The following TBC1D22A variants were observed in gnomAD, a reference collection of about 807,000 sequenced individuals.
TBC1D22A encodes TBC1 domain family member 22A, also known as putative GTPase activator.
In TBC1D22A, 38 loss-of-function variants were observed where a neutral mutation model predicts 60.2. The observed-to-expected ratio is 0.63, with a 90% CI of 0.49 to 0.83. The LOEUF is 0.83. TBC1D22A is among the 40% of genes least tolerant of loss of function. The pLI is 0.00. For missense variants in TBC1D22A, 628 were observed against 701.0 expected, an observed-to-expected ratio of 0.90 and a Z score of 1.18; for synonymous variants, 302 against 281.7, an observed-to-expected ratio of 1.07 and a Z score of -0.72.
At chr22:46,941,671 A>ATATATACGGAATG (rs2072120622) in intron 8 of TBC1D22A, among the ~76,000 whole-genome samples, 1 of 147,106 alleles carries the variant, frequency 6.8e-6, no homozygotes, top group African/African-American at 2.5e-5. Context: ...TACGCGGAAT[A>ATATATACGGAATG]TATATACGGA....
rs136119 is a variant in TBC1D22A at position 46,984,366 on chromosome 22, CAAAAAAAAAAAAAAAAAAA to C, written c.1125+9989_1125+10007del. ...GGGGCGACAGAACCAGACTCCATCTCAAAAAAAAAAAAAAAAAAAAAAAAAAAAAAAAAAAAAAAAGAGA... is the reference window on the plus strand; with the variant it reads ...GGGGCGACAGAACCAGACTCCATCTCAAAAAAAAAAAAAAAAAAAAAGAGA... On this transcript the variant is annotated intron_variant, in intron 9 of 12. Transcript: ENST00000337137. Among the ~76,000 whole-genome samples, 176 of 27,750 alleles carry C rather than the reference CAAAAAAAAAAAAAAAAAAA, an allele frequency of 6.3e-3. 1 individual carries two copies. Among genetic ancestry groups the C allele is most frequent in the Non-Finnish European group, 9.5e-3 (131 of 13,728 alleles). The allele number at this position is 27,750 out of a possible 152,430, so 18.2% of individuals were successfully genotyped here.
intron 4 of TBC1D22A, among the ~76,000 whole-genome samples, chr22:46,873,483 A>G (rs553351038): frequency 1.1e-4 from 16 of 152,328 alleles, no homozygotes; most frequent in African/African-American, 3.6e-4. Context: ...AAAGACCCTT[A>G]TGGCAGATTT....
At chr22:47,063,079 C>T (rs2063633853) in intron 11 of TBC1D22A, among the ~76,000 whole-genome samples, 1 of 152,008 alleles carries the variant, frequency 6.6e-6, no homozygotes, top group Non-Finnish European at 1.5e-5. Flanking sequence ...ATGGGCAGTT[C>T]TGGGTGCAGG....
intron 11 of TBC1D22A, among the ~76,000 whole-genome samples, chr22:47,104,299 C>T (rs1334323709): frequency 6.6e-6 from 1 of 152,006 alleles, no homozygotes; most frequent in African/African-American, 2.4e-5. Flanking sequence ...CAGAGTGAGA[C>T]TCTGTCTCAA....
At chr22:46,836,642 T>C (rs1239192034) in intron 4 of TBC1D22A, among the ~76,000 whole-genome samples, 1 of 151,928 alleles carries the variant, frequency 6.6e-6, no homozygotes, top group Non-Finnish European at 1.5e-5. Context: ...GGTAATTACT[T>C]TAAGTGTAAA....
intron 11 of TBC1D22A, among the ~76,000 whole-genome samples, chr22:47,060,979 C>T (rs1422554969): frequency 1.5e-4 from 23 of 152,230 alleles, no homozygotes; most frequent in Admixed American, 1.5e-3. Flanking sequence ...CCTGGAATGA[C>T]ACTTGGGATC....
intron 12 of TBC1D22A, among the ~76,000 whole-genome samples, chr22:47,154,966 T>C (rs1331386472): frequency 6.6e-6 from 1 of 152,236 alleles, no homozygotes; most frequent in East Asian, 1.9e-4. Flanking sequence ...TGGGCATTTC[T>C]TGAGCGGCAT....
At chr22:47,140,672 A>G (rs894279964) in intron 12 of TBC1D22A, among the ~76,000 whole-genome samples, 3 of 152,162 alleles carry the variant, frequency 2.0e-5, no homozygotes, top group Non-Finnish European at 4.4e-5. Context: ...CCAGGCCTGC[A>G]GGGGATGCCT....
At chr22:47,130,465 G>A (rs182446013) in intron 12 of TBC1D22A, among the ~76,000 whole-genome samples, 68 of 152,294 alleles carry the variant, frequency 4.5e-4, no homozygotes, top group Non-Finnish European at 5.0e-4. Flanking sequence ...TCTGGATACC[G>A]CTGCCTTCTG....
At chr22:46,803,400 C>T (rs201233504) in intron 4 of TBC1D22A, among the ~76,000 whole-genome samples, 6 of 152,144 alleles carry the variant, frequency 3.9e-5, no homozygotes, top group South Asian at 4.1e-4. Flanking sequence ...TGAGGAAGGG[C>T]GGCGGTTTTC....
intron 4 of TBC1D22A, among the ~76,000 whole-genome samples, chr22:46,848,884 T>C (rs2087142306): frequency 7.3e-6 from 1 of 136,580 alleles, no homozygotes; most frequent in South Asian, 2.3e-4. Flanking sequence ...TGCTTCACCA[T>C]GCAGTTTTTT....
chr22:46,867,475 A>T (rs969711695), intron 4 of TBC1D22A, among the ~76,000 whole-genome samples: 2 of 152,218 alleles, frequency 1.3e-5, no homozygotes, highest in Admixed American at 6.5e-5. Context: ...TCCATCAGAA[A>T]ACTGGGAGAA....
rs778377065 is a variant in TBC1D22A at position 46,997,621 on chromosome 22, C to G, written c.1126-13C>G. ...TTATATGCATATGATTCACATTATT[C>G]TTTTTTCCTTAGGACAACTACACCT... is the stretch of plus-strand genomic sequence containing the variant. On this transcript the variant is annotated splice_polypyrimidine_tract_variant and intron_variant, in intron 9 of 12. Coordinates refer to ENST00000337137, the MANE Select transcript of TBC1D22A (RefSeq NM_014346.5). The G allele has an allele frequency of 1.2e-6, 2 of 1,610,104 alleles. No individual in the cohort carries two copies. Among genetic ancestry groups the G allele is most frequent in the African/African-American group, 1.3e-5 (1 of 74,968 alleles).
At chr22:47,155,884 T>A (rs6008046) in intron 12 of TBC1D22A, among the ~76,000 whole-genome samples, 1 of 152,106 alleles carries the variant, frequency 6.6e-6, no homozygotes, top group Non-Finnish European at 1.5e-5. Context: ...TAAAAGGGCA[T>A]TGAGTGTGAT....
At chr22:47,053,601 C>T (rs1009340144) in intron 11 of TBC1D22A, among the ~76,000 whole-genome samples, 1 of 152,214 alleles carries the variant, frequency 6.6e-6, no homozygotes, top group African/African-American at 2.4e-5. Context: ...TCAGAGACGC[C>T]AGCGAGGAGG....
intron 8 of TBC1D22A, among the ~76,000 whole-genome samples, chr22:46,957,625 A>G (rs8138194): frequency 0.13 from 19,469 of 152,290 alleles, 3,067 homozygotes; most frequent in African/African-American, 0.38. Context: ...AACCGTATCA[A>G]GTGCCTTGAC....
intron 4 of TBC1D22A, among the ~76,000 whole-genome samples, chr22:46,833,499 C>T (rs1479318932): frequency 2.6e-5 from 4 of 152,212 alleles, no homozygotes; most frequent in African/African-American, 9.6e-5. Flanking sequence ...CTACTGGGCT[C>T]AAGCTGCCTT....
intron 4 of TBC1D22A, among the ~76,000 whole-genome samples, chr22:46,869,451 G>A (rs1164721502): frequency 2.0e-5 from 3 of 152,188 alleles, no homozygotes; most frequent in Non-Finnish European, 4.4e-5. Flanking sequence ...CCTGGTCCGT[G>A]GTGAGTGTTG....
intron 4 of TBC1D22A, among the ~76,000 whole-genome samples, chr22:46,846,345 G>A (rs1253218120): frequency 6.6e-6 from 1 of 152,174 alleles, no homozygotes. Flanking sequence ...TGGCGACATC[G>A]CTTACTCACC....
Sources: allele counts gnomAD v4.1 joint callset (sites outside exome capture counted in the v4.1 genomes callset), GRCh38; gene constraint gnomAD v4.1.1; transcripts MANE v1.5; gene names NCBI Gene and HGNC (gene_info 2026-07-23, HGNC 2026-07-21).